SH3GLB2: variants seen among roughly 807,000 people sequenced by gnomAD.
The protein encoded by SH3GLB2 is SH3 domain containing GRB2 like, endophilin B2, also known as endophilin-B2.
A neutral mutation model predicts 48.0 loss-of-function variants in SH3GLB2; 24 were observed. That is an observed-to-expected ratio of 0.50 (90% CI 0.36 to 0.70). The LOEUF is 0.70. Among genes scored for constraint, SH3GLB2 ranks in the 30% least tolerant of loss-of-function variants. The probability of loss-of-function intolerance (pLI) is 0.00; values close to 1 mark genes in which losing one functional copy is unlikely to be tolerated. For synonymous variants in SH3GLB2, 227 were observed against 207.6 expected, an observed-to-expected ratio of 1.09 and a Z score of -0.80; for missense variants, 425 against 516.0, an observed-to-expected ratio of 0.82 and a Z score of 1.71.
chr9:129,019,160 G>A (rs1419297303), intron 3 of SH3GLB2, among the ~76,000 whole-genome samples: 1 of 151,808 alleles, frequency 6.6e-6, no homozygotes, highest in Non-Finnish European at 1.5e-5. Flanking sequence ...GCCAAGGTGG[G>A]AGGTCACTTC....
At chr9:129,010,727 G>A (rs1385987149) in intron 6 of SH3GLB2, 34 bp from the exon 7 acceptor site, 17 of 1,613,436 alleles carry the variant, frequency 1.1e-5, no homozygotes, top group African/African-American at 2.7e-5. Flanking sequence ...GCCAGCAGGG[G>A]AGGGGAGAGG....
At position 129,014,468 on chromosome 9, in the gene SH3GLB2, G is replaced by T. The variant is rs1338869299; in HGVS notation, c.504C>A (p.Asp168Glu). 5.2e-6 allele frequency: 8 copies of T among 1,551,038 alleles called. No homozygotes were observed. The highest frequency in any genetic ancestry group is 6.1e-6 in the Non-Finnish European group (7 of 1,147,100). ...TCAGCCTCGCTTTGCAGGCATCCAA[G>T]TCCAGACGCCGGTTTTGGAGGAGCC... Reference protein sequence around the residue: ...ERRLLQNRRLDLDACKARLKK... With the variant: ...ERRLLQNRRLELDACKARLKK... Residue 168 changes from aspartate to glutamate, a missense_variant, in exon 5 of 11, where the codon GAC becomes GAA. By Grantham distance (45) the Asp-to-Glu change is conservative. Coordinates refer to ENST00000372564, the MANE Select transcript of SH3GLB2 (RefSeq NM_020145.4). The surrounding 1 kb of genome is among the most constrained non-coding windows in gnomAD (Gnocchi z 4.1).
In SH3GLB2 at chr9:129,014,426, T is replaced by C. The variant is rs752911389; in HGVS notation, c.546A>G (p.Ala182=). 2 of 1,550,152 alleles carry C rather than the reference T, an allele frequency of 1.3e-6. No homozygotes were observed. Among genetic ancestry groups the C allele is most frequent in the South Asian group, 2.4e-5 (2 of 83,994 alleles). ...CKARLKKAKA[A]EAKATTVPDF... The stretch of plus-strand genomic sequence containing the variant: ...GGACACCTACCGTGGCTTTGGCTTC[T>C]GCAGCCTTGGCCTTCTTCAGCCTCG... The change falls in exon 5 of 11, where the codon GCA becomes GCG. Residue 182 remains alanine (A), a synonymous_variant. Coordinates refer to ENST00000372564, the MANE Select transcript of SH3GLB2 (RefSeq NM_020145.4). This position sits in a 1 kb window ranked among gnomAD's most constrained non-coding sequence, Gnocchi z 4.1.
intron 1 of SH3GLB2, among the ~76,000 whole-genome samples, chr9:129,026,062 C>T (rs1213823636): frequency 6.6e-6 from 1 of 152,128 alleles, no homozygotes; most frequent in African/African-American, 2.4e-5. Flanking sequence ...CTGGGCTGCT[C>T]CTGCCACTTG....
Position 129,009,684 on chromosome 9 carries a change from G to A in SH3GLB2, c.839+87C>T, listed in dbSNP as rs1042417163. On this transcript the variant is annotated intron_variant, in intron 9 of 10. Coordinates refer to ENST00000372564, the MANE Select transcript of SH3GLB2 (RefSeq NM_020145.4). ...CCCTCCAACCCAGCTTTGTGTCACA[G>A]GACTTGCCCAGAGGAGCTCATGCTG... 4.2e-6 allele frequency: 6 copies of A among 1,421,814 alleles called. No individual in the cohort carries two copies. The African/African-American group carries it at 7.1e-5, about 17-fold the overall frequency. The allele number at this position is 1,421,814 out of a possible 1,614,324, so 88.1% of individuals were successfully genotyped here.
At chr9:129,017,829 C>T (rs889824030) in intron 3 of SH3GLB2, among the ~76,000 whole-genome samples, 7 of 146,984 alleles carry the variant, frequency 4.8e-5, no homozygotes, top group Non-Finnish European at 8.9e-5. Context: ...ACACGAGAGG[C>T]GGAGGTTGCA....
chr9:129,009,016 G>A (rs1842924398), intron 10 of SH3GLB2, 90 bp downstream of exon 10: 3 of 1,570,624 alleles, frequency 1.9e-6, no homozygotes, highest in Middle Eastern at 1.8e-4. Context: ...TTGCCAACAG[G>A]GCCCCTCCAG....
At chr9:129,010,852 C>T (rs1843079549) in intron 6 of SH3GLB2, 159 bp from the exon 7 acceptor site, 1 of 854,550 alleles carries the variant, frequency 1.2e-6, no homozygotes, top group African/African-American at 1.7e-5. Context: ...CGAGGCCCGG[C>T]ATGGGAGCTG....
chr9:129,019,341 T>C (rs1334754614), intron 3 of SH3GLB2, among the ~76,000 whole-genome samples: 2 of 151,914 alleles, frequency 1.3e-5, no homozygotes, highest in Non-Finnish European at 2.9e-5. Context: ...TGAGCTGAGA[T>C]TGCACCACTG....
In SH3GLB2 at chr9:129,020,155, G is replaced by A. The variant is rs142163712; in HGVS notation, c.334+936C>T. Among the ~76,000 whole-genome samples the A allele has an allele frequency of 3.2e-3, 411 of 127,892 alleles. 2 individuals are homozygous for A. The highest frequency in any genetic ancestry group is 0.011 in the African/African-American group (371 of 34,198). The allele number at this position is 127,892 out of a possible 152,430, so 83.9% of individuals were successfully genotyped here. ...CAGGAGGCGGAGGTTGCAGTGAGCT[G>A]AGATTGCGCCACTGCACTCCAGCCC... On this transcript the variant is annotated intron_variant, in intron 3 of 10. Coordinates refer to ENST00000372564, the MANE Select transcript of SH3GLB2 (RefSeq NM_020145.4).
In SH3GLB2 at chr9:129,014,538, G is replaced by A. The variant is rs894169105; in HGVS notation, c.469-35C>T. ...AGGGCATGGGGACAGTGAGACCCTGGGCTGCCCTGGGAGACCCTGAGCCAT... is the reference window on the plus strand; with the variant it reads ...AGGGCATGGGGACAGTGAGACCCTGAGCTGCCCTGGGAGACCCTGAGCCAT... On this transcript the variant is annotated intron_variant, in intron 4 of 10. Coordinates refer to ENST00000372564, the MANE Select transcript of SH3GLB2 (RefSeq NM_020145.4). The surrounding 1 kb of genome is among the most constrained non-coding windows in gnomAD (Gnocchi z 4.1). 1.6e-5 allele frequency: 25 copies of A among 1,545,644 alleles called. No homozygotes were observed. Among genetic ancestry groups the A allele is most frequent in the Non-Finnish European group, 2.1e-5 (24 of 1,141,668 alleles).
chr9:129,019,543 T>TA (rs1468746158), intron 3 of SH3GLB2, among the ~76,000 whole-genome samples: 7 of 151,378 alleles, frequency 4.6e-5, no homozygotes, highest in South Asian at 4.2e-4. Flanking sequence ...CGGTCTCTGC[T>TA]AAAAATACAA....
rs1037281264 is a variant in SH3GLB2, at chr9:129,009,342, G to C, written c.844C>G (p.Pro282Ala). The C allele has an allele frequency of 6.5e-7, 1 of 1,547,800 alleles. No homozygotes were observed. Among genetic ancestry groups the C allele is most frequent in the African/African-American group, 1.4e-5 (1 of 73,120 alleles). ...LDLQKQLGRF[P>A]GTFVGTTEPA... ...TCTGTGGTGCCCACGAAGGTGCCGG[G>C]AAATCTGGAGAGGAGGGATACATCT... The change falls in exon 10 of 11, where the codon CCC (proline) becomes GCC (alanine). Residue 282 changes from proline to alanine, a missense_variant. By Grantham distance (27) the Pro-to-Ala change is conservative (BLOSUM62 -1). Coordinates refer to ENST00000372564, the MANE Select transcript of SH3GLB2 (RefSeq NM_020145.4).
chr9:129,010,648 AG>A (rs1222987968), intron 7 of SH3GLB2, 21 bp downstream of exon 7: 3 of 1,613,242 alleles, frequency 1.9e-6, no homozygotes, highest in Admixed American at 3.3e-5. Flanking sequence ...CCTCGAGCCC[AG>A]CCCCCCAGGC....
At chr9:129,010,820 C>T (rs892712580) in intron 6 of SH3GLB2, 127 bp from the exon 7 acceptor site, 2 of 1,193,552 alleles carry the variant, frequency 1.7e-6, no homozygotes, top group East Asian at 2.5e-5. Context: ...CCCCCCCTCC[C>T]AAACAGGAGC....
rs1843144503 is a variant in SH3GLB2, at chr9:129,011,878, C to T, written c.624+358G>A. 4.0e-6 allele frequency: 1 copy of T among 250,504 alleles called. No homozygotes were observed. Among genetic ancestry groups the T allele is most frequent in the East Asian group, 7.3e-5 (1 of 13,688 alleles). The allele number at this position is 250,504 out of a possible 1,614,324, so 15.5% of individuals were successfully genotyped here. A position where few individuals can be genotyped will look rare whatever the true frequency, so the allele number is the denominator to read the frequency against. On this transcript the variant is annotated intron_variant, in intron 6 of 10. Transcript: ENST00000372564. This position sits in a 1 kb window ranked among gnomAD's most constrained non-coding sequence, Gnocchi z 4.5. ...GGCACGGCCAGGCCTCCTCCTCTATCCTCAGGGCCTCCCCAGGGCCTGGCA... is the reference window on the plus strand; with the variant it reads ...GGCACGGCCAGGCCTCCTCCTCTATTCTCAGGGCCTCCCCAGGGCCTGGCA...
chr9:129,024,254 TAC>T (rs1348554138), intron 1 of SH3GLB2, among the ~76,000 whole-genome samples: 1 of 48,950 alleles, frequency 2.0e-5, no homozygotes, highest in African/African-American at 9.0e-5. Context: ...ACCTCCTCTC[TAC>T]AAAAAAAAAA....
At chr9:129,017,541 A>C (rs937975578) in intron 3 of SH3GLB2, among the ~76,000 whole-genome samples, 3 of 152,148 alleles carry the variant, frequency 2.0e-5, no homozygotes, top group African/African-American at 7.2e-5. Flanking sequence ...AGGCAGGCGG[A>C]TCACTTGAGA....
chr9:129,016,434 G>A (rs1314341484), intron 3 of SH3GLB2, among the ~76,000 whole-genome samples: 1 of 151,308 alleles, frequency 6.6e-6, no homozygotes, highest in Admixed American at 6.6e-5. Flanking sequence ...GCTGAGGCAG[G>A]CGGATCATGA....
Sources: allele counts gnomAD v4.1 joint callset (sites outside exome capture counted in the v4.1 genomes callset), GRCh38; gene constraint gnomAD v4.1.1; non-coding constraint Gnocchi (gnomAD v3.1); transcripts MANE v1.5; gene names NCBI Gene and HGNC (gene_info 2026-07-23, HGNC 2026-07-21).